ZNF292: variants seen among roughly 807,000 people sequenced by gnomAD.
The protein encoded by ZNF292 is zinc finger protein 292.
Under a neutral mutation model 217.9 loss-of-function variants are expected in ZNF292, and 26 were observed. That is an observed-to-expected ratio of 0.12 (90% CI 0.09 to 0.17). ZNF292 has a LOEUF of 0.17. Ranked by LOEUF, ZNF292 falls within the 10% of genes least tolerant of loss-of-function variation. The pLI, the probability that ZNF292 is intolerant of heterozygous loss-of-function variation, is 1.00. For missense variants in ZNF292, 2,904 were observed against 3,175.2 expected (o/e 0.91, Z 2.05); for synonymous variants, 1,257 against 1,124.1 (o/e 1.12, Z -2.37).
chr6:87,193,213 G>A (rs181350797), intron 1 of ZNF292, among the ~76,000 whole-genome samples: 5 of 152,094 alleles, frequency 3.3e-5, no homozygotes, highest in South Asian at 2.1e-4. Context: ...TTTGAACACC[G>A]ACATTATGCC....
chr6:87,233,572 A>G, intron 5 of ZNF292, 45 bp downstream of exon 5: 1 of 1,572,412 alleles, frequency 6.4e-7, no homozygotes, highest in Non-Finnish European at 8.6e-7. Context: ...TAAGTTGAGA[A>G]ATTAATTTTT....
chr6:87,166,521 C>G (rs557822196), intron 1 of ZNF292, among the ~76,000 whole-genome samples: 2 of 152,300 alleles, frequency 1.3e-5, no homozygotes, highest in South Asian at 4.1e-4. Flanking sequence ...ACATCATAAA[C>G]AAGTAGTTTT....
chr6:87,166,738 T>C (rs1261187986), intron 1 of ZNF292, among the ~76,000 whole-genome samples: 1 of 152,230 alleles, frequency 6.6e-6, no homozygotes, highest in Non-Finnish European at 1.5e-5. Context: ...TTGTCAGTTT[T>C]GGTTAGAAAA....
chr6:87,166,345 G>C (rs1177471661), intron 1 of ZNF292, among the ~76,000 whole-genome samples: 1 of 152,164 alleles, frequency 6.6e-6, no homozygotes, highest in African/African-American at 2.4e-5. Context: ...AAATGGCTTT[G>C]GGTTCAACTA....
intron 1 of ZNF292, among the ~76,000 whole-genome samples, chr6:87,192,672 A>G (rs1273466102): frequency 6.6e-6 from 1 of 152,196 alleles, no homozygotes; most frequent in African/African-American, 2.4e-5. Context: ...TGATTTTTCA[A>G]AAATGGAATT....
chr6:87,216,027 A>G lies in ZNF292; in HGVS notation c.293A>G (p.Asn98Ser), dbSNP rs536470572. 15 of 1,575,142 alleles carry G rather than the reference A, an allele frequency of 9.5e-6. No individual in the cohort carries two copies. Among genetic ancestry groups the G allele is most frequent in the South Asian group, 4.7e-5 (4 of 84,530 alleles). The change falls in exon 2 of 8, where the codon AAT (asparagine) becomes AGT (serine). Residue 98 changes from asparagine to serine, a missense_variant. This residue lies in a region of ZNF292 where 313 missense variants were observed against 451.0 expected (regional missense o/e 0.69). Coordinates refer to ENST00000369577, the MANE Select transcript of ZNF292 (RefSeq NM_015021.3). ...ARPYLTSECE[N>S]VALVLERLAL... ...CCTTATCTTACCTCTGAATGTGAAA[A>G]TGTAGCCTTGGTTCTGGAACGCTTG...
chr6:87,159,515 T>A (rs1395765334), intron 1 of ZNF292, among the ~76,000 whole-genome samples: 16 of 143,874 alleles, frequency 1.1e-4, no homozygotes, highest in Non-Finnish European at 2.0e-4. Flanking sequence ...TTTTTTTTTT[T>A]TAAAAAAGAT....
At chr6:87,215,811 T>G (rs1306142484) in intron 1 of ZNF292, 92 bp from the exon 2 acceptor site, 2 of 974,652 alleles carry the variant, frequency 2.1e-6, no homozygotes, top group Non-Finnish European at 2.9e-6. Flanking sequence ...AAAATCTGTA[T>G]TTTTCAAAAT....
intron 1 of ZNF292, chr6:87,169,740 G>A (rs1268747597): frequency 2.3e-5 from 10 of 436,460 alleles, no homozygotes; most frequent in Admixed American, 9.9e-5. Flanking sequence ...TCCACCTCCC[G>A]GGCTCAAGTG....
intron 3 of ZNF292, among the ~76,000 whole-genome samples, chr6:87,217,273 C>T (rs1772835502): frequency 6.6e-6 from 1 of 152,040 alleles, no homozygotes; most frequent in Non-Finnish European, 1.5e-5. Context: ...ACATTAAAAT[C>T]TACATCAAGT....
At chr6:87,221,167 A>G (rs1773066922) in intron 4 of ZNF292, among the ~76,000 whole-genome samples, 1 of 152,168 alleles carries the variant, frequency 6.6e-6, no homozygotes, top group Non-Finnish European at 1.5e-5. Flanking sequence ...TGGGAGAGTA[A>G]GGGTGGACAG....
At chr6:87,240,712 G>A (rs1160263285) in intron 5 of ZNF292, among the ~76,000 whole-genome samples, 3 of 152,172 alleles carry the variant, frequency 2.0e-5, no homozygotes, top group African/African-American at 4.8e-5. Flanking sequence ...GAGCCACCGG[G>A]CCCAGCCTAA....
chr6:87,205,037 T>A (rs1017825317), intron 1 of ZNF292, among the ~76,000 whole-genome samples: 1 of 152,130 alleles, frequency 6.6e-6, no homozygotes, highest in Non-Finnish European at 1.5e-5. Flanking sequence ...AAAGAGATTA[T>A]CTGTTTCCTA....
chr6:87,256,442 C>T lies in ZNF292; in HGVS notation c.2813C>T (p.Ser938Phe). ...PLLQSSEVAV[S>F]IKVSLNQGIE... ...CTTCAATCCAGTGAAGTAGCTGTGT[C>T]CATTAAGGTGTCTCTCAATCAGGGG... Residue 938 changes from serine to phenylalanine, a missense_variant, in exon 8 of 8, where the codon TCC becomes TTC. Ser to Phe is a radical substitution (Grantham distance 155). Coordinates refer to ENST00000369577, the MANE Select transcript of ZNF292 (RefSeq NM_015021.3). 1.2e-6 allele frequency: 2 copies of T among 1,607,362 alleles called. No homozygotes were observed. Among genetic ancestry groups the T allele is most frequent in the Non-Finnish European group, 1.7e-6 (2 of 1,179,762 alleles).
rs187004971 is a variant in ZNF292, at chr6:87,179,764, C to G, written c.168+24005C>G. On this transcript the variant is annotated intron_variant, in intron 1 of 7. Transcript: ENST00000369577. ...GTTTGGAAACCACTAGTTCATAGTG[C>G]TGTGAGTAATGAAGTTTTCTAAGAA... Among the ~76,000 whole-genome samples the G allele has an allele frequency of 2.6e-3, 391 of 152,198 alleles. 2 individuals carry two copies. The highest frequency in any genetic ancestry group is 9.0e-3 in the African/African-American group (375 of 41,538).
intron 4 of ZNF292, 68 bp from the exon 5 acceptor site, chr6:87,233,257 A>G (rs16878729): frequency 0.046 from 50,572 of 1,110,468 alleles, 1,816 homozygotes; most frequent in African/African-American, 0.16. Context: ...AATATTTCTT[A>G]TAAGTGTTGG....
At chr6:87,244,615 A>C (rs1481510737) in intron 6 of ZNF292, among the ~76,000 whole-genome samples, 1 of 152,192 alleles carries the variant, frequency 6.6e-6, no homozygotes, top group Non-Finnish European at 1.5e-5. Flanking sequence ...AGAGTTGGGC[A>C]AAGAAGTAGT....
At chr6:87,169,810 C>A in intron 1 of ZNF292, 1 of 304,802 alleles carries the variant, frequency 3.3e-6, no homozygotes. Context: ...CCATGCCCAG[C>A]TGATTTTTGG....
intron 1 of ZNF292, among the ~76,000 whole-genome samples, chr6:87,204,062 C>G (rs142849716): frequency 6.6e-6 from 1 of 152,088 alleles, no homozygotes; most frequent in Non-Finnish European, 1.5e-5. Flanking sequence ...ACTAAAAATG[C>G]GTAGCCTAAA....
Sources: gnomAD v4.1 joint callset for allele counts (sites outside exome capture counted in the v4.1 genomes callset) on GRCh38, gnomAD v4.1.1 for gene constraint, gnomAD v4.1.1 regional missense constraint, MANE v1.5 for transcripts, NCBI Gene and HGNC (gene_info 2026-07-23, HGNC 2026-07-21) for gene names.